The following TUBG1 variants were observed in gnomAD, a reference collection of about 807,000 sequenced individuals.
TUBG1 encodes the protein tubulin gamma-1 chain.
In TUBG1, 22 loss-of-function variants were observed where a neutral mutation model predicts 53.3. That is an observed-to-expected ratio of 0.41 (90% confidence interval 0.29 to 0.59). The LOEUF (loss-of-function observed/expected upper bound fraction) is 0.59, where lower values mean the gene tolerates loss of function less well. Ranked by LOEUF, TUBG1 falls within the 20% of genes least tolerant of loss-of-function variation. The probability of loss-of-function intolerance (pLI) is 0.26; values close to 1 mark genes in which losing one functional copy is unlikely to be tolerated. For missense variants in TUBG1, 217 were observed against 598.9 expected (o/e 0.36, Z 6.66); for synonymous variants, 198 against 236.7 (o/e 0.84, Z 1.50).
intron 4 of TUBG1, 69 bp downstream of exon 4, chr17:42,612,212 C>G: frequency 6.5e-7 from 1 of 1,531,670 alleles, no homozygotes. Flanking sequence ...TAGAAGCGAC[C>G]TGTTAGGAAC....
Position 42,610,154 on chromosome 17 carries a change from C to T in TUBG1, c.96C>T (p.Ser32=), listed in dbSNP as rs771116667. The T allele has an allele frequency of 6.2e-7, 1 of 1,614,280 alleles. No individual in the cohort carries two copies. Among genetic ancestry groups the T allele is most frequent in the East Asian group, 2.2e-5 (1 of 44,888 alleles). ...AGCTGTGCGCCGAGCATGGTATCAG[C>T]CCCGAGGGCATCGTGGAGGAGTTCG... ...WKQLCAEHGI[S]PEGIVEEFAT... is the part of the protein sequence containing the mutation. The change falls in exon 2 of 11, where the codon AGC becomes AGT. Residue 32 remains serine (S), a synonymous_variant. Transcript: ENST00000251413.
chr17:42,613,814 G>A, intron 7 of TUBG1, 35 bp from the exon 8 acceptor site: 1 of 1,614,058 alleles, frequency 6.2e-7, no homozygotes, highest in Non-Finnish European at 8.5e-7. Flanking sequence ...GTCCCACCCA[G>A]GCTGAGGCCC....
At position 42,610,900 on chromosome 17, in the gene TUBG1, C is replaced by T. The variant is rs773686583; in HGVS notation, c.330+310C>T. The T allele has an allele frequency of 2.5e-4, 80 of 316,980 alleles. 1 individual carries two copies. Among genetic ancestry groups the T allele is most frequent in the Non-Finnish European group, 4.0e-4 (70 of 175,012 alleles). 19.6% of individuals were successfully genotyped at this position (316,980 alleles called of 1,614,324 possible). On this transcript the variant is annotated intron_variant, in intron 3 of 10. Transcript: ENST00000251413. ...AAAGCCATGAAACCAAAGGACATTT[C>T]ATAACTAGTTTATCAGCAAAAACAA...
chr17:42,614,990 C>T lies in TUBG1; in HGVS notation c.1305C>T (p.Tyr435=), dbSNP rs191133222. Residue 435 remains tyrosine (Y), a synonymous_variant, in exon 11 of 11, where the codon TAC becomes TAT. Coordinates refer to ENST00000251413, the MANE Select transcript of TUBG1 (RefSeq NM_001070.5). This position sits in a 1 kb window ranked among gnomAD's most constrained non-coding sequence, Gnocchi z 5.1. ...REIVQQLIDE[Y]HAATRPDYIS... ...TTGTGCAGCAGCTCATCGATGAGTA[C>T]CATGCGGCCACACGGCCAGACTACA... 1 of 1,614,168 alleles carries T rather than the reference C, an allele frequency of 6.2e-7. No individual in the cohort carries two copies. Among genetic ancestry groups the T allele is most frequent in the East Asian group, 2.2e-5 (1 of 44,864 alleles).
chr17:42,612,530 G>A, intron 5 of TUBG1, 24 bp downstream of exon 5: 1 of 1,612,350 alleles, frequency 6.2e-7, no homozygotes, highest in South Asian at 1.1e-5. Flanking sequence ...TGGGGATTAG[G>A]AAAGGTCTCC....
rs2052041432 is a variant in TUBG1 at position 42,612,160 on chromosome 17, T to C, written c.399+17T>C. The C allele has an allele frequency of 6.2e-7, 1 of 1,613,758 alleles. No homozygotes were observed. Among genetic ancestry groups the C allele is most frequent in the Non-Finnish European group, 8.5e-7 (1 of 1,179,760 alleles). On this transcript the variant is annotated intron_variant, in intron 4 of 10. Transcript: ENST00000251413. Reference sequence around the variant, plus strand: ...AGTCTAGAGGTAAGTGTCCCAGGAATGCTGGTAGGAGCCGACATGGGCAAG... The same window carrying C: ...AGTCTAGAGGTAAGTGTCCCAGGAACGCTGGTAGGAGCCGACATGGGCAAG...
intron 5 of TUBG1, 114 bp downstream of exon 5, chr17:42,612,620 C>T (rs920844899): frequency 2.0e-6 from 2 of 1,007,084 alleles, no homozygotes; most frequent in African/African-American, 3.2e-5. Context: ...TCTTATATTC[C>T]CTCCTATAGA....
At chr17:42,613,513 T>C in intron 6 of TUBG1, 134 bp from the exon 7 acceptor site, 1 of 1,321,378 alleles carries the variant, frequency 7.6e-7, no homozygotes, top group Non-Finnish European at 1.1e-6. Flanking sequence ...TTGCCCTAGG[T>C]CAGTGCAAAT....
rs2052064804 is a variant in TUBG1, at chr17:42,614,891, G to A, written c.1206G>A (p.Glu402=). 1 of 1,614,102 alleles carries A rather than the reference G, an allele frequency of 6.2e-7. No homozygotes were observed. The highest frequency in any genetic ancestry group is 1.7e-5 in the Admixed American group (1 of 60,006). The change falls in exon 11 of 11, where the codon GAG becomes GAA. Residue 402 remains glutamate (E), a synonymous_variant. Transcript: ENST00000251413. This position sits in a 1 kb window ranked among gnomAD's most constrained non-coding sequence, Gnocchi z 5.1. ...AGTATGACAAGCTGCGTAAGCGGGA[G>A]GCCTTCCTGGAGCAGTTCCGCAAGG... The part of the protein sequence containing the change: ...CRQYDKLRKR[E]AFLEQFRKED...
In TUBG1 at chr17:42,609,686, G is replaced by T. The variant is rs1213701710; in HGVS notation, c.-52G>T. On this transcript the variant is annotated 5_prime_UTR_variant, in exon 1 of 11. Coordinates refer to ENST00000251413, the MANE Select transcript of TUBG1 (RefSeq NM_001070.5). ...TGCGTCTTGCGGCGAGCGGGCTGGCGTGCGGCGCCGTTGCGGGCGGGAGCG... is the reference window on the plus strand; with the variant it reads ...TGCGTCTTGCGGCGAGCGGGCTGGCTTGCGGCGCCGTTGCGGGCGGGAGCG... 1 of 1,529,712 alleles carries T rather than the reference G, an allele frequency of 6.5e-7. No individual in the cohort carries two copies. Among genetic ancestry groups the T allele is most frequent in the East Asian group, 2.4e-5 (1 of 40,850 alleles). 94.8% of individuals were successfully genotyped at this position (1,529,712 alleles called of 1,614,324 possible). A position where few individuals can be genotyped will look rare whatever the true frequency, so the allele number is the denominator to read the frequency against.
At chr17:42,609,820 T>C in intron 1 of TUBG1, 34 bp downstream of exon 1, 3 of 1,547,910 alleles carry the variant, frequency 1.9e-6, no homozygotes, top group Non-Finnish European at 2.6e-6. Context: ...GCTAGCCAGG[T>C]TCCTTAGGGT....
rs763744195 is a variant in TUBG1, at chr17:42,609,802, G to A, written c.49+16G>A. ...GGCAATCAGAGTGAGCGAAACTCCG[G>A]CCCCTCAGCTAGCCAGGTTCCTTAG... On this transcript the variant is annotated intron_variant, in intron 1 of 10. Coordinates refer to ENST00000251413, the MANE Select transcript of TUBG1 (RefSeq NM_001070.5). 5.2e-6 allele frequency: 8 copies of A among 1,550,812 alleles called. No homozygotes were observed. The East Asian group carries it at 2.0e-4, about 38-fold the overall frequency.
At chr17:42,612,299 T>C (rs2052042320) in intron 4 of TUBG1, 128 bp from the exon 5 acceptor site, 3 of 1,306,720 alleles carry the variant, frequency 2.3e-6, no homozygotes, top group African/African-American at 1.5e-5. Context: ...GCCTAAGCTG[T>C]ATAAGTGAGG....
rs2052064467 is a variant in TUBG1 at position 42,614,850 on chromosome 17, G to A, written c.1165G>A (p.Glu389Lys). 1.2e-6 allele frequency: 2 copies of A among 1,614,042 alleles called. No individual in the cohort carries two copies. Among genetic ancestry groups the A allele is most frequent in the Admixed American group, 1.7e-5 (1 of 60,000 alleles). The change falls in exon 11 of 11, where the codon GAG (glutamate) becomes AAG (lysine). Residue 389 changes from glutamate (E) to lysine (K), a missense_variant. By Grantham distance (56) the Glu-to-Lys change is moderately conservative. Transcript: ENST00000251413. This position sits in a 1 kb window ranked among gnomAD's most constrained non-coding sequence, Gnocchi z 5.1. ...GTTTTCTGCACACCCCAAGCTCTTC[G>A]AGAGAACCTGTCGCCAGTATGACAA... ...ANHTSISSLF[E>K]RTCRQYDKLR...
In TUBG1 at chr17:42,613,016, C is replaced by G. The variant is rs745648114; in HGVS notation, c.549C>G (p.Val183=). The stretch of plus-strand genomic sequence containing the variant: ...AGGACGAGATGAGCGATGTGGTGGT[C>G]CAGCCTTACAATTCACTCCTCACAC... ...PNQDEMSDVV[V]QPYNSLLTLK... is the part of the protein sequence containing the mutation. The change falls in exon 6 of 11, where the codon GTC becomes GTG. Residue 183 remains valine (V), a synonymous_variant. Coordinates refer to ENST00000251413, the MANE Select transcript of TUBG1 (RefSeq NM_001070.5). The G allele has an allele frequency of 6.8e-6, 11 of 1,614,012 alleles. No homozygotes were observed. The South Asian group carries it at 8.8e-5, about 13-fold the overall frequency.
intron 4 of TUBG1, 93 bp from the exon 5 acceptor site, chr17:42,612,334 G>T: frequency 6.9e-7 from 1 of 1,457,298 alleles, no homozygotes; most frequent in South Asian, 1.2e-5. Flanking sequence ...GCAAGGGCTC[G>T]GGAAAATGGG....
Position 42,614,652 on chromosome 17 carries a change from T to A in TUBG1, c.1153T>A (p.Ser385Thr). Residue 385 changes from serine to threonine, a missense_variant, in exon 10 of 11, where the codon TCC (serine) becomes ACC (threonine). Physicochemically the swap from Ser to Thr is moderately conservative, Grantham distance 58. Coordinates refer to ENST00000251413, the MANE Select transcript of TUBG1 (RefSeq NM_001070.5). This position sits in a 1 kb window ranked among gnomAD's most constrained non-coding sequence, Gnocchi z 5.1. Reference sequence around the variant, plus strand: ...CATGATGGCCAACCACACCAGCATCTCCTCGGTGAGTCTCAAAGTTTGCAC... The same window carrying A: ...CATGATGGCCAACCACACCAGCATCACCTCGGTGAGTCTCAAAGTTTGCAC... ...GLMMANHTSI[S>T]SLFERTCRQY... 1 of 1,613,972 alleles carries A rather than the reference T, an allele frequency of 6.2e-7. No individual in the cohort carries two copies. The highest frequency in any genetic ancestry group is 8.5e-7 in the Non-Finnish European group (1 of 1,179,902).
chr17:42,614,214 C>T lies in TUBG1; in HGVS notation c.844-46C>T, dbSNP rs1567931802. ...CTGCCAAAGAGAAGCCAAAGGGGGA[C>T]TGTGCCCTGAGCGCTGGCCGGGTCC... On this transcript the variant is annotated intron_variant, in intron 8 of 10. Transcript: ENST00000251413. The surrounding 1 kb of genome is among the most constrained non-coding windows in gnomAD (Gnocchi z 5.1). 6.2e-7 allele frequency: 1 copy of T among 1,613,044 alleles called. No homozygotes were observed. Among genetic ancestry groups the T allele is most frequent in the Admixed American group, 1.7e-5 (1 of 59,996 alleles).
chr17:42,610,624 C>T (rs763993692), intron 3 of TUBG1, 34 bp downstream of exon 3: 17 of 1,613,826 alleles, frequency 1.1e-5, no homozygotes, highest in African/African-American at 2.7e-5. Flanking sequence ...GCCCACAACT[C>T]GCTGGGTAGG....
Sources: allele counts gnomAD v4.1 joint callset, GRCh38; gene constraint gnomAD v4.1.1; non-coding constraint Gnocchi (gnomAD v3.1); transcripts MANE v1.5; gene names NCBI Gene and HGNC (gene_info 2026-07-23, HGNC 2026-07-21).